The following FAM117A variants were observed in gnomAD, a reference collection of about 807,000 sequenced individuals.
FAM117A encodes protein FAM117A.
A neutral mutation model predicts 44.1 loss-of-function variants in FAM117A; 21 were observed. That is an observed-to-expected ratio of 0.48 (90% CI 0.34 to 0.69). The LOEUF is 0.69. Ranked by LOEUF, FAM117A falls within the 30% of genes least tolerant of loss-of-function variation. FAM117A has a pLI of 0.01. For synonymous variants in FAM117A, 220 were observed against 238.3 expected (o/e 0.92, Z 0.71); for missense variants, 498 against 589.9 (o/e 0.84, Z 1.61).
chr17:49,776,837 G>A (rs568347130), intron 1 of FAM117A, among the ~76,000 whole-genome samples: 98 of 152,302 alleles, frequency 6.4e-4, no homozygotes, highest in South Asian at 1.9e-3. Context: ...AAGGGAAGCT[G>A]CAAGAGGAGG....
intron 1 of FAM117A, among the ~76,000 whole-genome samples, chr17:49,743,465 C>T (rs2073642549): frequency 6.6e-6 from 1 of 152,216 alleles, no homozygotes; most frequent in African/African-American, 2.4e-5. Flanking sequence ...CACAGTGGCT[C>T]ACGCCTGTAA....
intron 1 of FAM117A, among the ~76,000 whole-genome samples, chr17:49,758,589 G>A (rs1422414130): frequency 1.8e-4 from 27 of 146,454 alleles, no homozygotes; most frequent in Non-Finnish European, 2.7e-4. Flanking sequence ...GTGCCATTGC[G>A]CTCCATCCTG....
chr17:49,759,324 T>C (rs1274930082), intron 1 of FAM117A, among the ~76,000 whole-genome samples: 3 of 152,212 alleles, frequency 2.0e-5, no homozygotes, highest in African/African-American at 7.2e-5. Context: ...AAGGATGTCA[T>C]CACTGGTGAT....
upstream of FAM117A, chr17:49,788,932 G>A (rs1243361982): frequency 3.8e-6 from 5 of 1,315,586 alleles, no homozygotes; most frequent in Non-Finnish European, 3.1e-6. Flanking sequence ...GCCTCACAGT[G>A]CTTGGGTCCC....
At chr17:49,770,359 C>T (rs1351113406) in intron 1 of FAM117A, among the ~76,000 whole-genome samples, 2 of 150,456 alleles carry the variant, frequency 1.3e-5, no homozygotes, top group South Asian at 2.1e-4. Context: ...TAGCATGAAT[C>T]GACCTTGAAA....
upstream of FAM117A, among the ~76,000 whole-genome samples, chr17:49,766,339 A>G (rs1007634720): frequency 6.6e-6 from 1 of 152,252 alleles, no homozygotes; most frequent in African/African-American, 2.4e-5. Flanking sequence ...AGTGTTTTAT[A>G]GCTTTCACAT....
chr17:49,718,936 C>T (rs1053416215), intron 5 of FAM117A, among the ~76,000 whole-genome samples: 1 of 144,030 alleles, frequency 6.9e-6, no homozygotes, highest in Non-Finnish European at 1.5e-5. Flanking sequence ...AAGATGGCGC[C>T]ACCGCACTCC....
chr17:49,723,755 G>A (rs1192241459), intron 2 of FAM117A, among the ~76,000 whole-genome samples: 2 of 151,978 alleles, frequency 1.3e-5, no homozygotes, highest in African/African-American at 4.8e-5. Flanking sequence ...GCAGACGGCC[G>A]TATGTGACAG....
chr17:49,761,097 A>C (rs1047058777), intron 1 of FAM117A, among the ~76,000 whole-genome samples: 2 of 152,220 alleles, frequency 1.3e-5, no homozygotes, highest in Admixed American at 6.5e-5. Context: ...AGAACACAGC[A>C]GGATGTGTGG....
chr17:49,754,165 G>C (rs1356074304), intron 1 of FAM117A, among the ~76,000 whole-genome samples: 1 of 151,420 alleles, frequency 6.6e-6, no homozygotes, highest in Admixed American at 6.6e-5. Context: ...ATGGGCAGGA[G>C]TTAAGAAGAC....
At chr17:49,726,770 A>G (rs757072700) in intron 2 of FAM117A, among the ~76,000 whole-genome samples, 13 of 151,958 alleles carry the variant, frequency 8.6e-5, no homozygotes, top group Non-Finnish European at 1.6e-4. Context: ...TGAGGCCAGG[A>G]GTTCAAAACC....
intron 6 of FAM117A, 29 bp downstream of exon 6, chr17:49,717,484 G>A: frequency 6.2e-7 from 1 of 1,609,004 alleles, no homozygotes; most frequent in Non-Finnish European, 8.5e-7. Context: ...CCCAGAGTCA[G>A]CCCTGCTGCC....
chr17:49,752,529 A>G (rs1598031357), intron 1 of FAM117A, among the ~76,000 whole-genome samples: 1 of 152,138 alleles, frequency 6.6e-6, no homozygotes, highest in Non-Finnish European at 1.5e-5. Flanking sequence ...ATCATCACAC[A>G]TAAGAATCCT....
intron 2 of FAM117A, among the ~76,000 whole-genome samples, chr17:49,728,503 A>G (rs1374734101): frequency 6.6e-6 from 1 of 151,842 alleles, no homozygotes; most frequent in Admixed American, 6.6e-5. Flanking sequence ...TGCAGAGGGA[A>G]TGGGGCTGGG....
At chr17:49,774,527 T>C (rs183448082) in intron 1 of FAM117A, among the ~76,000 whole-genome samples, 57 of 152,160 alleles carry the variant, frequency 3.7e-4, no homozygotes, top group Non-Finnish European at 7.1e-4. Flanking sequence ...GCCCAGCTAA[T>C]TTTTGTATTT....
chr17:49,711,204 C>T lies in FAM117A; in HGVS notation c.*51G>A, dbSNP rs540295715. The T allele has an allele frequency of 6.6e-7, 1 of 1,516,770 alleles. No individual in the cohort carries two copies. Among genetic ancestry groups the T allele is most frequent in the South Asian group, 1.3e-5 (1 of 77,840 alleles). The allele number at this position is 1,516,770 out of a possible 1,614,324, so 94.0% of individuals were successfully genotyped here. Reference sequence around the variant, plus strand: ...CATCTCAGGGGACCTGGGGAGGGACCTGCCACCAAGGCACTGGTCTCTATG... The same window carrying T: ...CATCTCAGGGGACCTGGGGAGGGACTTGCCACCAAGGCACTGGTCTCTATG... On this transcript the variant is annotated 3_prime_UTR_variant, in exon 8 of 8. Transcript: ENST00000240364.
In FAM117A at chr17:49,717,428, C is replaced by T. The variant is rs1186130865; in HGVS notation, c.910+85G>A. On this transcript the variant is annotated intron_variant, in intron 6 of 7. Transcript: ENST00000240364. ...CTAGTAGGGTACTGAGAATGCTAGG[C>T]CTGAATTGACTAGAGGTGGAAAAGG... The T allele has an allele frequency of 2.6e-6, 3 of 1,172,946 alleles. No individual in the cohort carries two copies. In the East Asian group the frequency reaches 7.4e-5, roughly 29 times the overall value. 72.7% of individuals were successfully genotyped at this position (1,172,946 alleles called of 1,614,324 possible). A position where few individuals can be genotyped will look rare whatever the true frequency, so the allele number is the denominator to read the frequency against.
At chr17:49,751,306 C>A (rs570376254) in intron 1 of FAM117A, among the ~76,000 whole-genome samples, 7 of 146,816 alleles carry the variant, frequency 4.8e-5, no homozygotes, top group African/African-American at 1.8e-4. Flanking sequence ...AAAAGCCGGG[C>A]GCGCTGGCTC....
At chr17:49,726,235 G>A (rs1275910536) in intron 2 of FAM117A, among the ~76,000 whole-genome samples, 1 of 151,882 alleles carries the variant, frequency 6.6e-6, no homozygotes, top group East Asian at 1.9e-4. Flanking sequence ...TTTTGAGATG[G>A]GAGTTTCACT....
Sources: gnomAD v4.1 joint callset for allele counts (sites outside exome capture counted in the v4.1 genomes callset) on GRCh38, gnomAD v4.1.1 for gene constraint, MANE v1.5 for transcripts, NCBI Gene and HGNC (gene_info 2026-07-23, HGNC 2026-07-21) for gene names.